The following KNL1 variants were observed in gnomAD, a reference collection of about 807,000 sequenced individuals.
KNL1 encodes the protein kinetochore scaffold 1, also known as outer kinetochore KNL1 complex subunit KNL1.
A neutral mutation model predicts 201.3 loss-of-function variants in KNL1; 66 were observed. The observed-to-expected ratio is 0.33, with a 90% confidence interval of 0.27 to 0.40. KNL1 has a LOEUF of 0.40. KNL1 is among the 10% of genes least tolerant of loss of function. The probability of loss-of-function intolerance (pLI) is 1.00; values close to 1 mark genes in which losing one functional copy is unlikely to be tolerated. For synonymous variants in KNL1, 895 were observed against 899.2 expected, an observed-to-expected ratio of 1.00 and a Z score of 0.08; for missense variants, 2,815 against 2,690.5, an observed-to-expected ratio of 1.05 and a Z score of -1.02.
rs997360736 is a variant in KNL1, at chr15:40,621,520, A to C, written c.1256A>C (p.Asn419Thr). 6.2e-7 allele frequency: 1 copy of C among 1,613,732 alleles called. No homozygotes were observed. The highest frequency in any genetic ancestry group is 8.5e-7 in the Non-Finnish European group (1 of 1,179,786). ...LAMTPESIYSNPSIQGCKTVF... is the reference protein window; with the variant it reads ...LAMTPESIYSTPSIQGCKTVF... ...ATGACCCCAGAATCTATATATTCTA[A>C]TCCATCTATTCAAGGTTGTAAGACT... is the stretch of plus-strand genomic sequence containing the variant. Residue 419 changes from asparagine (N) to threonine (T), a missense_variant, in exon 10 of 26, where the codon AAT (asparagine) becomes ACT (threonine). By Grantham distance (65) the Asn-to-Thr change is moderately conservative (BLOSUM62 0). Around this residue, in one of 3 missense-constraint regions of KNL1, gnomAD observed 2,464 missense variants for 2,291.7 expected, o/e 1.08. Transcript: ENST00000399668.
Position 40,622,415 on chromosome 15 carries a change from A to C in KNL1, c.2151A>C (p.Ile717=), listed in dbSNP as rs1287547599. Residue 717 remains isoleucine, a synonymous_variant, in exon 10 of 26, where the codon ATA becomes ATC. Coordinates refer to ENST00000399668, the MANE Select transcript of KNL1 (RefSeq NM_144508.5). ...CTATGAAAAATCATGATACTGCTAT[A>C]AGTAGTCATACAGTGAAATCTGTAC... ...QFSMKNHDTA[I]SSHTVKSVLG... The C allele has an allele frequency of 6.2e-7, 1 of 1,613,648 alleles. No homozygotes were observed. Among genetic ancestry groups the C allele is most frequent in the Non-Finnish European group, 8.5e-7 (1 of 1,179,742 alleles).
chr15:40,629,495 CTTTTT>C (rs386382806), intron 13 of KNL1, 124 bp downstream of exon 13: 61 of 178,692 alleles, frequency 3.4e-4, no homozygotes, highest in East Asian at 9.0e-4. Context: ...TTTGCCTTTT[CTTTTT>C]TTTTTTTTTT....
At chr15:40,608,712 T>G in intron 4 of KNL1, 135 bp from the exon 5 acceptor site, 1 of 571,774 alleles carries the variant, frequency 1.7e-6, no homozygotes, top group Non-Finnish European at 3.0e-6. Flanking sequence ...ACCGTTGCAC[T>G]CCAGTCTGGG....
intron 25 of KNL1, among the ~76,000 whole-genome samples, chr15:40,661,862 G>A (rs1043939624): frequency 3.9e-5 from 6 of 151,986 alleles, no homozygotes; most frequent in Non-Finnish European, 8.8e-5. Flanking sequence ...GTAACACAGT[G>A]AAACCCCATC....
At position 40,594,569 on chromosome 15, in the gene KNL1, C is replaced by T. The variant is rs544635004; in HGVS notation, c.-18+177C>T. ...CCGGGCACACTGTGCCCTTTTTCCC[C>T]TCCTCGGCCTGTACGTTGTGCCGCC... On this transcript the variant is annotated intron_variant, in intron 1 of 25. Transcript: ENST00000399668. Among the ~76,000 whole-genome samples the T allele has an allele frequency of 1.6e-3, 249 of 152,316 alleles. 2 individuals carry two copies. The highest frequency in any genetic ancestry group is 5.8e-3 in the African/African-American group (241 of 41,580).
At chr15:40,635,490 G>A (rs1893030567) in intron 13 of KNL1, among the ~76,000 whole-genome samples, 1 of 152,046 alleles carries the variant, frequency 6.6e-6, no homozygotes, top group Admixed American at 6.6e-5. Flanking sequence ...AAGTAGCTAG[G>A]ATTACAGGCA....
At chr15:40,658,274 A>G (rs1893792526) in intron 24 of KNL1, among the ~76,000 whole-genome samples, 1 of 151,938 alleles carries the variant, frequency 6.6e-6, no homozygotes, top group Non-Finnish European at 1.5e-5. Context: ...TCACACCTGT[A>G]ATCCCAGCAC....
intron 10 of KNL1, among the ~76,000 whole-genome samples, chr15:40,627,431 G>A (rs986084020): frequency 6.6e-6 from 1 of 151,472 alleles, no homozygotes; most frequent in Non-Finnish European, 1.5e-5. Context: ...GGAGAATGGC[G>A]TGAACCCGGG....
At position 40,621,422 on chromosome 15, in the gene KNL1, C is replaced by T; in HGVS notation, c.1158C>T (p.Thr386=). The T allele has an allele frequency of 6.2e-7, 1 of 1,613,380 alleles. No individual in the cohort carries two copies. The highest frequency in any genetic ancestry group is 8.5e-7 in the Non-Finnish European group (1 of 1,179,772). Residue 386 remains threonine (T), a synonymous_variant, in exon 10 of 26, where the codon ACC becomes ACT. Coordinates refer to ENST00000399668, the MANE Select transcript of KNL1 (RefSeq NM_144508.5). ...SINSADKIHI[T]RSHIMGAETH... is the part of the protein sequence containing the mutation. ...ACTCTGCAGACAAAATACATATTAC[C>T]AGAAGTCATATTATGGGGGCAGAAA...
chr15:40,595,606 A>G (rs547592108), intron 1 of KNL1, among the ~76,000 whole-genome samples: 2 of 152,296 alleles, frequency 1.3e-5, no homozygotes, highest in African/African-American at 4.8e-5. Context: ...AATAGACTGT[A>G]AAAGATACTG....
chr15:40,618,960 G>C lies in KNL1; in HGVS notation c.324G>C (p.Gly108=). The C allele has an allele frequency of 6.2e-7, 1 of 1,604,718 alleles. No homozygotes were observed. The highest frequency in any genetic ancestry group is 8.5e-7 in the Non-Finnish European group (1 of 1,172,374). ...CAGTTTTTTCTTTTTTCTAAATAGG[G>C]ATGAACACATTGCTTTCTGCTCCCA... The part of the protein sequence containing the change: ...KLEDNYCEIT[G]MNTLLSAPIH... Residue 108 remains glycine, a splice_region_variant and synonymous_variant, in exon 9 of 26, where the codon GGG becomes GGC. Transcript: ENST00000399668.
In KNL1 at chr15:40,629,326, C is replaced by A; in HGVS notation, c.5637C>A (p.Val1879=). The change falls in exon 13 of 26, where the codon GTC becomes GTA. Residue 1879 remains valine, a synonymous_variant. Transcript: ENST00000399668. ...GGGAGTTCTTTATACTTCTCCAGGT[C>A]CACATCTTGATACAGAAACCCCGAC... is the stretch of plus-strand genomic sequence containing the variant. ...TIREFFILLQ[V]HILIQKPRQS... is the part of the protein sequence containing the mutation. The A allele has an allele frequency of 6.2e-7, 1 of 1,605,452 alleles. No homozygotes were observed. Among genetic ancestry groups the A allele is most frequent in the Non-Finnish European group, 8.5e-7 (1 of 1,178,230 alleles).
chr15:40,641,396 T>A (rs1019246769), intron 14 of KNL1, among the ~76,000 whole-genome samples: 6 of 152,218 alleles, frequency 3.9e-5, no homozygotes, highest in African/African-American at 1.4e-4. Context: ...TAGATTATGA[T>A]ATCATAAGTT....
chr15:40,642,262 G>C (rs1180576020), intron 14 of KNL1, among the ~76,000 whole-genome samples: 1 of 151,956 alleles, frequency 6.6e-6, no homozygotes, highest in Non-Finnish European at 1.5e-5. Flanking sequence ...AGCCGGGCGC[G>C]GTAGCAGGCA....
intron 12 of KNL1, 105 bp downstream of exon 12, chr15:40,628,783 T>G: frequency 1.6e-6 from 1 of 619,698 alleles, no homozygotes; most frequent in Non-Finnish European, 2.7e-6. Flanking sequence ...TTTTTTTAAT[T>G]ACGAAATATT....
chr15:40,624,334 C>T lies in KNL1; in HGVS notation c.4070C>T (p.Pro1357Leu), dbSNP rs749544149. Residue 1357 changes from proline to leucine, a missense_variant, in exon 10 of 26, where the codon CCT becomes CTT. Pro to Leu is a moderately conservative substitution (Grantham distance 98, BLOSUM62 -3). Around this residue, in one of 3 missense-constraint regions of KNL1, gnomAD observed 2,464 missense variants for 2,291.7 expected, o/e 1.08. Coordinates refer to ENST00000399668, the MANE Select transcript of KNL1 (RefSeq NM_144508.5). Reference sequence around the variant, plus strand: ...TATTACTTGGAATCTGAGGGACAGCCTCTCTCTGCTCCTTGTCCTTTGTTA... The same window carrying T: ...TATTACTTGGAATCTGAGGGACAGCTTCTCTCTGCTCCTTGTCCTTTGTTA... ...SEYYLESEGQ[P>L]LSAPCPLLEK... 4 of 1,613,778 alleles carry T rather than the reference C, an allele frequency of 2.5e-6. No homozygotes were observed. The African/African-American group carries it at 4.0e-5, about 16-fold the overall frequency.
intron 1 of KNL1, among the ~76,000 whole-genome samples, chr15:40,599,703 G>A (rs1246129579): frequency 6.6e-6 from 1 of 151,222 alleles, no homozygotes; most frequent in African/African-American, 2.4e-5. Flanking sequence ...TTCTTCATCT[G>A]TTGAGATGAT....
intron 16 of KNL1, 90 bp downstream of exon 16, chr15:40,645,862 A>G (rs1893368623): frequency 1.2e-5 from 8 of 688,910 alleles, no homozygotes; most frequent in Non-Finnish European, 1.8e-5. Flanking sequence ...TCCTTAGAAG[A>G]CATGTGAATA....
At position 40,625,081 on chromosome 15, in the gene KNL1, A is replaced by G. The variant is rs886051140; in HGVS notation, c.4817A>G (p.His1606Arg). The change falls in exon 10 of 26, where the codon CAT becomes CGT. Residue 1606 changes from histidine (H) to arginine (R), a missense_variant. Coordinates refer to ENST00000399668, the MANE Select transcript of KNL1 (RefSeq NM_144508.5). ...DMHIVQATEI[H>R]NINIISSNAK... ...CATATAGTGCAAGCTACAGAAATAC[A>G]TAATATTAACATAATCTCCAGCAAT... is the stretch of plus-strand genomic sequence containing the variant. 6.2e-7 allele frequency: 1 copy of G among 1,613,778 alleles called. No homozygotes were observed. The highest frequency in any genetic ancestry group is 1.3e-5 in the African/African-American group (1 of 75,010).
Sources: allele counts gnomAD v4.1 joint callset (sites outside exome capture counted in the v4.1 genomes callset), GRCh38; gene constraint gnomAD v4.1.1; regional missense constraint gnomAD v4.1.1; transcripts MANE v1.5; gene names NCBI Gene and HGNC (gene_info 2026-07-23, HGNC 2026-07-21).